B4GALNT3: variants seen among roughly 807,000 people sequenced by gnomAD.
B4GALNT3 encodes beta-1,4-N-acetyl-galactosaminyltransferase 3.
A neutral mutation model predicts 120.2 loss-of-function variants in B4GALNT3; 86 were observed. The ratio of observed to expected loss-of-function variants is 0.72; its 90% CI spans 0.60 to 0.86. The LOEUF is 0.86. Among genes scored for constraint, B4GALNT3 ranks in the 40% least tolerant of loss-of-function variants. The pLI is 0.00. For synonymous variants in B4GALNT3, 518 were observed against 510.4 expected, an observed-to-expected ratio of 1.01 and a Z score of -0.20; for missense variants, 1,167 against 1,298.9, an observed-to-expected ratio of 0.90 and a Z score of 1.56.
At position 553,251 on chromosome 12, in the gene B4GALNT3, C is replaced by T. The variant is rs777184832; in HGVS notation, c.1328C>T (p.Pro443Leu). 6.2e-7 allele frequency: 1 copy of T among 1,613,566 alleles called. No homozygotes were observed. Among genetic ancestry groups the T allele is most frequent in the Non-Finnish European group, 8.5e-7 (1 of 1,180,032 alleles). The change falls in exon 14 of 20, where the codon CCT becomes CTT. Residue 443 changes from proline (P) to leucine (L), a missense_variant. Physicochemically the swap from Pro to Leu is moderately conservative, Grantham distance 98 (BLOSUM62 -3). This residue lies in a region of B4GALNT3 where 983 missense variants were observed against 1,102.5 expected (regional missense o/e 0.89). Transcript: ENST00000266383. The stretch of plus-strand genomic sequence containing the variant: ...TATGGGGAAGTGGCAGAGGAGACCC[C>T]TGCCTCCAACAACCAGAATGCCAGG... The part of the protein sequence containing the change: ...SQYGEVAEET[P>L]ASNNQNARML...
intron 1 of B4GALNT3, among the ~76,000 whole-genome samples, chr12:474,947 C>A (rs1276673485): frequency 0.018 from 1,098 of 59,730 alleles, no homozygotes; most frequent in African/African-American, 0.022. Flanking sequence ...GACCTTGTCT[C>A]AAAAAAAAAA....
At chr12:494,588 A>G (rs1946371588) in intron 1 of B4GALNT3, among the ~76,000 whole-genome samples, 1 of 152,130 alleles carries the variant, frequency 6.6e-6, no homozygotes, top group Admixed American at 6.5e-5. Flanking sequence ...GCACCCAGGT[A>G]TAACTTGTAT....
At chr12:472,667 G>C (rs1310128362) in intron 1 of B4GALNT3, among the ~76,000 whole-genome samples, 4 of 152,324 alleles carry the variant, frequency 2.6e-5, no homozygotes, top group Non-Finnish European at 5.9e-5. Flanking sequence ...TCGATCTCCT[G>C]ACCTCATGAT....
intron 1 of B4GALNT3, among the ~76,000 whole-genome samples, chr12:511,730 CCTTCCACCTTCCACCTTCCACCTT>C (rs1565598177): frequency 1.5e-3 from 81 of 55,370 alleles, no homozygotes; most frequent in South Asian, 2.1e-3. Context: ...CTTCCACCTT[CCTTCCACCTTCCACCTTCCACCTT>C]CTTCCACCTT....
chr12:529,567 G>A (rs1022604200), intron 1 of B4GALNT3, among the ~76,000 whole-genome samples: 4 of 152,180 alleles, frequency 2.6e-5, no homozygotes, highest in East Asian at 1.9e-4. Context: ...GATATATATC[G>A]GGCTCCCTTG....
At chr12:559,994 A>G (rs1291034083) in intron 19 of B4GALNT3, among the ~76,000 whole-genome samples, 1 of 152,192 alleles carries the variant, frequency 6.6e-6, no homozygotes, top group Non-Finnish European at 1.5e-5. Context: ...AGAGAAGAAC[A>G]CAGTACAAGC....
rs543648082 is a variant in B4GALNT3, at chr12:533,880, G to C, written c.170-1286G>C. On this transcript the variant is annotated intron_variant, in intron 1 of 19. Transcript: ENST00000266383. ...CCCCAGGCCTGTTACAGAAACACTC[G>C]TGCATAGCGTGGGTGGCCACCTTCG... Among the ~76,000 whole-genome samples the C allele has an allele frequency of 2.6e-5, 4 of 152,254 alleles. No homozygotes were observed. In the South Asian group the frequency reaches 8.3e-4, roughly 32 times the overall value.
At position 561,467 on chromosome 12, in the gene B4GALNT3, G is replaced by A. The variant is rs374378862; in HGVS notation, c.*16G>A. On this transcript the variant is annotated 3_prime_UTR_variant, in exon 20 of 20. Transcript: ENST00000266383. Reference sequence around the variant, plus strand: ...GACGCTGTAGCCGGAGGGTGTCCGCGGGGCCCAGCACTCCCCGCTCTGGAC... The same window carrying A: ...GACGCTGTAGCCGGAGGGTGTCCGCAGGGCCCAGCACTCCCCGCTCTGGAC... The A allele has an allele frequency of 3.8e-4, 597 of 1,587,642 alleles. 1 individual carries two copies. Among genetic ancestry groups the A allele is most frequent in the Non-Finnish European group, 4.4e-4 (510 of 1,160,698 alleles).
chr12:557,993 A>G (rs1327083341), intron 16 of B4GALNT3, 23 bp from the exon 17 acceptor site: 1 of 1,613,118 alleles, frequency 6.2e-7, no homozygotes, highest in Non-Finnish European at 8.5e-7. Context: ...CCTGATACGC[A>G]GCCCTCTCTC....
chr12:513,507 C>A (rs1946620043), intron 1 of B4GALNT3, among the ~76,000 whole-genome samples: 1 of 152,222 alleles, frequency 6.6e-6, no homozygotes, highest in South Asian at 2.1e-4. Flanking sequence ...GCGAGGACAA[C>A]CAGAGGTCAC....
rs115907951 is a variant in B4GALNT3, at chr12:560,324, T to C, written c.2888+903T>C. ...TTCCCGAGAGGCAGGACAAAATGCA[T>C]CCACCAGTCACTGGGTCCCTATACA... On this transcript the variant is annotated intron_variant, in intron 19 of 19. Transcript: ENST00000266383. Among the ~76,000 whole-genome samples, 517 of 152,186 alleles carry C rather than the reference T, an allele frequency of 3.4e-3. 5 individuals carry two copies. The highest frequency in any genetic ancestry group is 0.012 in the African/African-American group (486 of 41,504).
chr12:552,436 G>C (rs761859975), intron 12 of B4GALNT3, 31 bp from the exon 13 acceptor site: 12 of 1,602,772 alleles, frequency 7.5e-6, no homozygotes, highest in Non-Finnish European at 8.5e-6. Flanking sequence ...CATGCACCGG[G>C]TGCCAATGCA....
intron 4 of B4GALNT3, 107 bp from the exon 5 acceptor site, chr12:544,775 C>A: frequency 9.1e-7 from 1 of 1,104,298 alleles, no homozygotes; most frequent in Non-Finnish European, 1.3e-6. Flanking sequence ...AAGCCACAGC[C>A]CTGGTCCCTC....
At chr12:511,500 CCACCTTCCACCTT>C (rs1946559665) in intron 1 of B4GALNT3, among the ~76,000 whole-genome samples, 1 of 113,572 alleles carries the variant, frequency 8.8e-6, no homozygotes, top group Non-Finnish European at 2.0e-5. Context: ...CTTCCACCTT[CCACCTTCCACCTT>C]CTTCCACCTT....
chr12:522,956 A>AAAG (rs1312132652), intron 1 of B4GALNT3, among the ~76,000 whole-genome samples: 1 of 151,656 alleles, frequency 6.6e-6, no homozygotes, highest in African/African-American at 2.4e-5. Flanking sequence ...AAAAAAAAAA[A>AAAG]AAAAAAAAGG....
chr12:511,013 C>CTTT lies in B4GALNT3; in HGVS notation c.170-24113_170-24111dup, dbSNP rs762032000. 1.9e-3 allele frequency among the ~76,000 whole-genome samples: 83 copies of CTTT among 43,886 alleles called. 17 individuals are homozygous for CTTT. Among genetic ancestry groups the CTTT allele is most frequent in the Non-Finnish European group, 2.7e-3 (58 of 21,822 alleles). 28.8% of individuals were successfully genotyped at this position (43,886 alleles called of 152,430 possible). On this transcript the variant is annotated intron_variant, in intron 1 of 19. Coordinates refer to ENST00000266383, the MANE Select transcript of B4GALNT3 (RefSeq NM_173593.4). Reference sequence around the variant, plus strand: ...TTTGGTCTCTATGGATTTGCCTATTCTTTTTTTTTTTTTTTTTTTTTTTTT... The same window carrying CTTT: ...TTTGGTCTCTATGGATTTGCCTATTCTTTTTTTTTTTTTTTTTTTTTTTTTTTT...
chr12:528,135 C>T (rs531019238), intron 1 of B4GALNT3, among the ~76,000 whole-genome samples: 5 of 152,184 alleles, frequency 3.3e-5, no homozygotes, highest in African/African-American at 1.2e-4. Flanking sequence ...AATACTGGCT[C>T]GGTCACCTAC....
chr12:466,193 C>T (rs1029080728), intron 1 of B4GALNT3, among the ~76,000 whole-genome samples: 1 of 152,138 alleles, frequency 6.6e-6, no homozygotes, highest in African/African-American at 2.4e-5. Flanking sequence ...ACAAGGTCTT[C>T]TGAAAGTGCT....
rs370095042 is a variant in B4GALNT3, at chr12:543,709, G to T, written c.352-630G>T. On this transcript the variant is annotated intron_variant, in intron 3 of 19. Transcript: ENST00000266383. ...GAGCTGAGGAGCTGGGACGGGCATG[G>T]GGTGCTCATCCTCCTGGAACTGAGG... Among the ~76,000 whole-genome samples, 675 of 79,746 alleles carry T rather than the reference G, an allele frequency of 8.5e-3. 2 individuals carry two copies. The highest frequency in any genetic ancestry group is 0.019 in the Middle Eastern group (2 of 104). The allele number at this position is 79,746 out of a possible 152,430, so 52.3% of individuals were successfully genotyped here. A position where few individuals can be genotyped will look rare whatever the true frequency, so the allele number is the denominator to read the frequency against.
Sources: gnomAD v4.1 joint callset for allele counts (sites outside exome capture counted in the v4.1 genomes callset) on GRCh38, gnomAD v4.1.1 for gene constraint, gnomAD v4.1.1 regional missense constraint, MANE v1.5 for transcripts, NCBI Gene and HGNC (gene_info 2026-07-23, HGNC 2026-07-21) for gene names.